SKI: variants seen among roughly 807,000 people sequenced by gnomAD.
SKI encodes the protein SKI proto-oncogene, also known as ski oncogene.
In SKI, 23 loss-of-function variants were observed where a neutral mutation model predicts 59.3. The ratio of observed to expected loss-of-function variants is 0.39; its 90% CI spans 0.28 to 0.55. SKI has a LOEUF of 0.55. SKI is among the 20% of genes least tolerant of loss of function. The probability of loss-of-function intolerance (pLI) is 0.67; values close to 1 mark genes in which losing one functional copy is unlikely to be tolerated. For missense variants in SKI, 1,017 were observed against 1,038.9 expected, an observed-to-expected ratio of 0.98 and a Z score of 0.29; for synonymous variants, 673 against 488.6, an observed-to-expected ratio of 1.38 and a Z score of -4.98.
rs1639573567 is a variant in SKI, at chr1:2,269,600, G to A, written c.970-33378G>A. Among the ~76,000 whole-genome samples the A allele has an allele frequency of 1.3e-5, 2 of 152,252 alleles. No individual in the cohort carries two copies. Among genetic ancestry groups the A allele is most frequent in the African/African-American group, 2.4e-5 (1 of 41,464 alleles). On this transcript the variant is annotated intron_variant, in intron 1 of 6. Transcript: ENST00000378536. This position sits in a 1 kb window ranked among gnomAD's most constrained non-coding sequence, Gnocchi z 4.7. ...TGCTGCCCTGGAGCGTCGCTTTGTG[G>A]GCAGAAGCCAACTTTGGAATCGCCT...
chr1:2,302,923 G>T (rs1355109400), intron 1 of SKI, 55 bp from the exon 2 acceptor site: 13 of 1,612,232 alleles, frequency 8.1e-6, no homozygotes, highest in African/African-American at 1.3e-5. Context: ...GGGGCTGGTG[G>T]AGGGACCCTG....
In SKI at chr1:2,306,585, C is replaced by A; in HGVS notation, c.2007C>A (p.Asp669Glu). The change falls in exon 7 of 7, where the codon GAC becomes GAA. Residue 669 changes from aspartate to glutamate, a missense_variant. Asp to Glu is a conservative substitution (Grantham distance 45). Coordinates refer to ENST00000378536, the MANE Select transcript of SKI (RefSeq NM_003036.4). ...LRAKYSAQIE[D>E]LQVKLQHAEA... ...ACTCGGCTCCCTTTCAGATCGAAGA[C>A]CTGCAGGTGAAGCTGCAGCACGCGG... 1 of 1,542,882 alleles carries A rather than the reference C, an allele frequency of 6.5e-7. No individual in the cohort carries two copies. The highest frequency in any genetic ancestry group is 8.7e-7 in the Non-Finnish European group (1 of 1,145,470).
chr1:2,230,218 C>G (rs1401347782), intron 1 of SKI, among the ~76,000 whole-genome samples: 1 of 152,226 alleles, frequency 6.6e-6, no homozygotes, highest in African/African-American at 2.4e-5. Flanking sequence ...CTTTGGGCCC[C>G]AGGAGACAGA....
rs557613001 is a variant in SKI, at chr1:2,283,921, G to T, written c.970-19057G>T. Reference sequence around the variant, plus strand: ...CCGCTGGCGGGTGGGGGCCACTGTGGCGTCCCCTTCCTGCAGGAGGCGGGG... The same window carrying T: ...CCGCTGGCGGGTGGGGGCCACTGTGTCGTCCCCTTCCTGCAGGAGGCGGGG... On this transcript the variant is annotated intron_variant, in intron 1 of 6. Transcript: ENST00000378536. Among the ~76,000 whole-genome samples, 3 of 152,300 alleles carry T rather than the reference G, an allele frequency of 2.0e-5. No individual in the cohort carries two copies. The South Asian group carries it at 6.2e-4, about 32-fold the overall frequency.
intron 1 of SKI, among the ~76,000 whole-genome samples, chr1:2,282,568 G>A (rs569969507): frequency 8.5e-5 from 13 of 152,170 alleles, no homozygotes; most frequent in Admixed American, 5.9e-4. Flanking sequence ...CATAGTGGGC[G>A]GGTGGGCAGT....
At chr1:2,284,586 T>G in intron 1 of SKI, among the ~76,000 whole-genome samples, 2 of 150,784 alleles carry the variant, frequency 1.3e-5, no homozygotes, top group Admixed American at 6.6e-5. Flanking sequence ...GGTGTGGGGG[T>G]GGTAGAATTC....
intron 1 of SKI, among the ~76,000 whole-genome samples, chr1:2,238,163 C>T (rs1638791950): frequency 6.6e-6 from 1 of 152,212 alleles, no homozygotes; most frequent in African/African-American, 2.4e-5. Flanking sequence ...AGGAGTTAGG[C>T]CTCATTGTCC....
At chr1:2,251,057 C>G (rs1376989223) in intron 1 of SKI, among the ~76,000 whole-genome samples, 3 of 152,202 alleles carry the variant, frequency 2.0e-5, no homozygotes, top group African/African-American at 7.2e-5. Flanking sequence ...GCCAGGATCC[C>G]TGGTGAGTCT....
At chr1:2,304,182 G>C in intron 4 of SKI, 80 bp downstream of exon 4, 1 of 1,582,620 alleles carries the variant, frequency 6.3e-7, no homozygotes, top group Non-Finnish European at 8.6e-7. Context: ...GTCGCCGGGG[G>C]TGCGTTGGTG....
At chr1:2,252,224 G>C (rs1639167940) in intron 1 of SKI, among the ~76,000 whole-genome samples, 1 of 152,200 alleles carries the variant, frequency 6.6e-6, no homozygotes, top group Non-Finnish European at 1.5e-5. Context: ...GTCTTGTAAA[G>C]AACGGGTCCA....
At chr1:2,298,131 C>T (rs936452837) in intron 1 of SKI, among the ~76,000 whole-genome samples, 1 of 152,190 alleles carries the variant, frequency 6.6e-6, no homozygotes, top group African/African-American at 2.4e-5. Context: ...ACCGCTCTGC[C>T]ACTGTGCGTT....
chr1:2,261,478 GT>G (rs1375087366), intron 1 of SKI, among the ~76,000 whole-genome samples: 1 of 152,184 alleles, frequency 6.6e-6, no homozygotes, highest in Non-Finnish European at 1.5e-5. Flanking sequence ...ACCATCTTTT[GT>G]CAGATTTATT....
intron 1 of SKI, among the ~76,000 whole-genome samples, chr1:2,252,826 A>G (rs1639192632): frequency 6.6e-6 from 1 of 152,124 alleles, no homozygotes; most frequent in African/African-American, 2.4e-5. Flanking sequence ...CAGGCGCGGT[A>G]TCTCGTGCCT....
In SKI at chr1:2,229,661, C is replaced by T; in HGVS notation, c.895C>T (p.Arg299Cys). 4.3e-6 allele frequency: 7 copies of T among 1,610,524 alleles called. No homozygotes were observed. Among genetic ancestry groups the T allele is most frequent in the Non-Finnish European group, 5.9e-6 (7 of 1,179,018 alleles). ...TTACACGGGCAAGGAGGAGCAGGCG[C>T]GCCTCGGCCGCTGCCTGGACGACGT... ...QDYTGKEEQA[R>C]LGRCLDDVKE... The change falls in exon 1 of 7, where the codon CGC (arginine) becomes TGC (cysteine). Residue 299 changes from arginine (R) to cysteine (C), a missense_variant. Arg to Cys is a radical substitution (Grantham distance 180). Coordinates refer to ENST00000378536, the MANE Select transcript of SKI (RefSeq NM_003036.4). This position sits in a 1 kb window ranked among gnomAD's most constrained non-coding sequence, Gnocchi z 6.3.
chr1:2,244,441 G>A (rs1158971267), intron 1 of SKI, among the ~76,000 whole-genome samples: 6 of 152,118 alleles, frequency 3.9e-5, no homozygotes, highest in Admixed American at 6.5e-5. Flanking sequence ...TTACCTGGGC[G>A]TGGTGGTGTG....
At chr1:2,265,362 C>T (rs1013404007) in intron 1 of SKI, among the ~76,000 whole-genome samples, 3 of 152,140 alleles carry the variant, frequency 2.0e-5, no homozygotes, top group African/African-American at 7.2e-5. Flanking sequence ...GTTTCTGTTA[C>T]TCTGTGTCCA....
chr1:2,305,895 G>C (rs1358581654), intron 5 of SKI, 125 bp from the exon 6 acceptor site: 1 of 794,638 alleles, frequency 1.3e-6, no homozygotes, highest in Non-Finnish European at 2.2e-6. Flanking sequence ...GGCGCGCTGG[G>C]GGCGGGGCTC....
At chr1:2,252,238 A>AT (rs1481496120) in intron 1 of SKI, among the ~76,000 whole-genome samples, 1 of 152,202 alleles carries the variant, frequency 6.6e-6, no homozygotes, top group Non-Finnish European at 1.5e-5. Flanking sequence ...GGGTCCATTC[A>AT]TTTTTAGCTG....
rs193024082 is a variant in SKI, at chr1:2,307,377, C to G, written c.*612C>G. On this transcript the variant is annotated 3_prime_UTR_variant, in exon 7 of 7. Coordinates refer to ENST00000378536, the MANE Select transcript of SKI (RefSeq NM_003036.4). ...ACACTGCCCGCCTTACTGCCGCCTA[C>G]CCCGCCCGCCACGCCGCCGTCGATG... 6.6e-6 allele frequency: 1 copy of G among 152,500 alleles called. No homozygotes were observed. The highest frequency in any genetic ancestry group is 6.5e-5 in the Admixed American group (1 of 15,284). 9.4% of individuals were successfully genotyped at this position (152,500 alleles called of 1,614,324 possible). A position where few individuals can be genotyped will look rare whatever the true frequency, so the allele number is the denominator to read the frequency against.
Sources: gnomAD v4.1 joint callset for allele counts (sites outside exome capture counted in the v4.1 genomes callset) on GRCh38, gnomAD v4.1.1 for gene constraint, Gnocchi (gnomAD v3.1) non-coding constraint, MANE v1.5 for transcripts, NCBI Gene and HGNC (gene_info 2026-07-23, HGNC 2026-07-21) for gene names.